The following FRA10AC1 variants were observed in gnomAD, a reference collection of about 807,000 sequenced individuals.
FRA10AC1 encodes FRA10A associated CGG repeat 1.
In FRA10AC1, 43 loss-of-function variants were observed where a neutral mutation model predicts 56.5. That is an observed-to-expected ratio of 0.76 (90% CI 0.60 to 0.98). FRA10AC1 has a LOEUF of 0.98. Among genes scored for constraint, FRA10AC1 ranks in the 50% least tolerant of loss-of-function variants. The probability of loss-of-function intolerance (pLI) is 0.00; values close to 1 mark genes in which losing one functional copy is unlikely to be tolerated. For synonymous variants in FRA10AC1, 112 were observed against 110.5 expected, an observed-to-expected ratio of 1.01 and a Z score of -0.09; for missense variants, 346 against 351.8, an observed-to-expected ratio of 0.98 and a Z score of 0.13.
At chr10:93,702,668 A>G (rs1320621622), upstream of FRA10AC1, 1 of 225,326 alleles carries the variant, frequency 4.4e-6, no homozygotes, top group Non-Finnish European at 8.9e-6. Flanking sequence ...CAGCCAGAAC[A>G]GCTCCGGGAA....
chr10:93,702,564 C>A lies in FRA10AC1; in HGVS notation c.-190G>T, dbSNP rs375801863. 1 of 223,942 alleles carries A rather than the reference C, an allele frequency of 4.5e-6. No individual in the cohort carries two copies. The highest frequency in any genetic ancestry group is 8.7e-6 in the Non-Finnish European group (1 of 115,564). 13.9% of individuals were successfully genotyped at this position (223,942 alleles called of 1,614,324 possible). A position where few individuals can be genotyped will look rare whatever the true frequency, so the allele number is the denominator to read the frequency against. The stretch of plus-strand genomic sequence containing the variant: ...CGCCGCCGCCCGCAACCCGCCTCTC[C>A]CTACGGGTCCCGACTGGGCACCACT... On this transcript the variant is annotated 5_prime_UTR_variant, in exon 1 of 14. Coordinates refer to ENST00000359204, the MANE Select transcript of FRA10AC1 (RefSeq NM_145246.5).
chr10:93,689,684 A>G (rs375928685), intron 7 of FRA10AC1, among the ~76,000 whole-genome samples: 6 of 152,336 alleles, frequency 3.9e-5, no homozygotes, highest in African/African-American at 1.2e-4. Context: ...TAAATGTAAC[A>G]AAACAAATTA....
chr10:93,695,886 A>G (rs942036950), intron 4 of FRA10AC1, among the ~76,000 whole-genome samples: 1 of 149,102 alleles, frequency 6.7e-6, no homozygotes, highest in African/African-American at 2.6e-5. Context: ...GCCAGATGGT[A>G]AATATTTCAG....
chr10:93,670,994 T>C (rs1029061897), intron 12 of FRA10AC1, 146 bp from the exon 13 acceptor site: 1 of 574,724 alleles, frequency 1.7e-6, no homozygotes, highest in Non-Finnish European at 3.1e-6. Flanking sequence ...ACAGGTACAA[T>C]AAATTCTTTT....
intron 5 of FRA10AC1, among the ~76,000 whole-genome samples, chr10:93,693,460 A>G (rs1190492265): frequency 6.9e-6 from 1 of 145,256 alleles, no homozygotes; most frequent in Non-Finnish European, 1.5e-5. Context: ...CAATGAGTGG[A>G]TAAAGAAAAT....
Position 93,700,117 on chromosome 10 carries a change from G to C in FRA10AC1, c.1-11C>G. The C allele has an allele frequency of 6.6e-7, 1 of 1,511,412 alleles. No homozygotes were observed. The highest frequency in any genetic ancestry group is 2.3e-5 in the East Asian group (1 of 44,064). The allele number at this position is 1,511,412 out of a possible 1,614,324, so 93.6% of individuals were successfully genotyped here. On this transcript the variant is annotated splice_polypyrimidine_tract_variant and intron_variant, in intron 1 of 13. Coordinates refer to ENST00000359204, the MANE Select transcript of FRA10AC1 (RefSeq NM_145246.5). ...TCCATGACCATGCATCTGTAAAGGA[G>C]TACAAAGTCAGCTATTTAGAATCTA...
chr10:93,677,828 G>A (rs1188607659), intron 11 of FRA10AC1, among the ~76,000 whole-genome samples: 6 of 152,138 alleles, frequency 3.9e-5, no homozygotes. Flanking sequence ...GCTGCCCAGA[G>A]GACTTTACTT....
intron 8 of FRA10AC1, chr10:93,685,574 T>TA (rs2059013232): frequency 5.2e-6 from 2 of 382,356 alleles, no homozygotes; most frequent in Admixed American, 9.6e-5. Context: ...TCTTGCTTGA[T>TA]AGACTGTATT....
At chr10:93,672,715 T>TA (rs1462299449) in intron 12 of FRA10AC1, 4 of 152,202 alleles carry the variant, frequency 2.6e-5, no homozygotes, top group Non-Finnish European at 5.9e-5. Context: ...CTAACTGTCT[T>TA]AAAAAATACC....
rs184142441 is a variant in FRA10AC1 at position 93,673,527 on chromosome 10, G to C, written c.827-2679C>G. 931 of 360,800 alleles carry C rather than the reference G, an allele frequency of 2.6e-3. 9 individuals carry two copies. Among genetic ancestry groups the C allele is most frequent in the South Asian group, 0.014 (624 of 45,590 alleles). 22.3% of individuals were successfully genotyped at this position (360,800 alleles called of 1,614,324 possible). A position where few individuals can be genotyped will look rare whatever the true frequency, so the allele number is the denominator to read the frequency against. Reference sequence around the variant, plus strand: ...ATAATGAAAGTAGGTCTATCATCTTGGTTTTTGTGGATATTATATGGTAAC... The same window carrying C: ...ATAATGAAAGTAGGTCTATCATCTTCGTTTTTGTGGATATTATATGGTAAC... On this transcript the variant is annotated intron_variant, in intron 12 of 13. Transcript: ENST00000359204.
chr10:93,695,842 T>C (rs1466180038), intron 4 of FRA10AC1, among the ~76,000 whole-genome samples: 2 of 152,216 alleles, frequency 1.3e-5, no homozygotes, highest in Non-Finnish European at 2.9e-5. Context: ...TGTAACCTAT[T>C]AGAGCTGGGG....
chr10:93,676,783 T>A (rs2058849760), intron 11 of FRA10AC1, 92 bp from the exon 12 acceptor site: 2 of 1,423,076 alleles, frequency 1.4e-6, no homozygotes, highest in South Asian at 3.0e-5. Flanking sequence ...ATATTCTAGT[T>A]TGCTTATAGT....
chr10:93,696,254 G>A (rs564632116), intron 4 of FRA10AC1, among the ~76,000 whole-genome samples: 36 of 152,218 alleles, frequency 2.4e-4, no homozygotes, highest in Middle Eastern at 3.4e-3. Context: ...TAGAATTGGA[G>A]GTAAAGAAGG....
intron 2 of FRA10AC1, among the ~76,000 whole-genome samples, chr10:93,698,703 A>G (rs2133945237): frequency 6.6e-6 from 1 of 152,274 alleles, no homozygotes; most frequent in East Asian, 1.9e-4. Context: ...AGATTCAATT[A>G]TTTATCTCTT....
intron 4 of FRA10AC1, among the ~76,000 whole-genome samples, chr10:93,695,476 T>C (rs1444089265): frequency 1.3e-5 from 2 of 151,994 alleles, no homozygotes; most frequent in Non-Finnish European, 2.9e-5. Flanking sequence ...TATAGTCTTT[T>C]AAATTCAAAG....
In FRA10AC1 at chr10:93,669,531, A is replaced by T. The variant is rs999415135; in HGVS notation, c.*295T>A. ...TACATAATGAAGGCAGTGAAAAAAA[A>T]CCTACAAAATGTAGGAACAATGGAA... is the stretch of plus-strand genomic sequence containing the variant. On this transcript the variant is annotated 3_prime_UTR_variant, in exon 14 of 14. Coordinates refer to ENST00000359204, the MANE Select transcript of FRA10AC1 (RefSeq NM_145246.5). The T allele has an allele frequency of 3.5e-6, 1 of 283,864 alleles. No individual in the cohort carries two copies. The highest frequency in any genetic ancestry group is 6.5e-6 in the Non-Finnish European group (1 of 154,116). The allele number at this position is 283,864 out of a possible 1,614,324, so 17.6% of individuals were successfully genotyped here. A position where few individuals can be genotyped will look rare whatever the true frequency, so the allele number is the denominator to read the frequency against.
At chr10:93,686,990 T>A (rs1049382572) in intron 8 of FRA10AC1, among the ~76,000 whole-genome samples, 1 of 151,922 alleles carries the variant, frequency 6.6e-6, no homozygotes, top group Non-Finnish European at 1.5e-5. Flanking sequence ...CCCAAAATTC[T>A]ATTGGGATTA....
intron 8 of FRA10AC1, 121 bp downstream of exon 8, chr10:93,687,283 T>C: frequency 4.0e-6 from 3 of 751,082 alleles, no homozygotes; most frequent in Non-Finnish European, 4.1e-6. Flanking sequence ...ACACCTTCTC[T>C]AATTTTACTT....
At chr10:93,684,899 T>C (rs2058998629) in intron 9 of FRA10AC1, among the ~76,000 whole-genome samples, 1 of 152,192 alleles carries the variant, frequency 6.6e-6, no homozygotes, top group Non-Finnish European at 1.5e-5. Flanking sequence ...GCTACAACGA[T>C]ATCACTGAGT....
Sources: gnomAD v4.1 joint callset for allele counts (sites outside exome capture counted in the v4.1 genomes callset) on GRCh38, gnomAD v4.1.1 for gene constraint, MANE v1.5 for transcripts, NCBI Gene and HGNC (gene_info 2026-07-23, HGNC 2026-07-21) for gene names.